Variants in MED13L observed in about 807,000 individuals in gnomAD.
MED13L encodes the protein mediator of RNA polymerase II transcription subunit 13-like.
MED13L carries 7 observed loss-of-function variants against 220.9 expected under a neutral mutation model. The ratio of observed to expected loss-of-function variants is 0.03; its 90% confidence interval spans 0.02 to 0.06. MED13L has a LOEUF of 0.06. Among genes scored for constraint, MED13L ranks in the 10% least tolerant of loss-of-function variants. The probability of loss-of-function intolerance (pLI) is 1.00; values close to 1 mark genes in which losing one functional copy is unlikely to be tolerated. For missense variants in MED13L, 1,965 were observed against 2,760.5 expected, an observed-to-expected ratio of 0.71 and a Z score of 6.46; for synonymous variants, 1,011 against 1,015.2, an observed-to-expected ratio of 1.00 and a Z score of 0.08.
At chr12:116,117,189 A>T (rs1358587879) in intron 2 of MED13L, among the ~76,000 whole-genome samples, 2 of 152,090 alleles carry the variant, frequency 1.3e-5, no homozygotes, top group Non-Finnish European at 2.9e-5. Context: ...AGCCATACTC[A>T]GACTATGTGC....
rs75290679 is a variant in MED13L, at chr12:116,108,889, A to C, written c.395+2539T>G. On this transcript the variant is annotated intron_variant, in intron 3 of 30. Transcript: ENST00000281928. ...AGGCATTATGTGGCACACATGATAT[A>C]TATCTATCATCTAGCAAAAGCTCAA... 1.4e-3 allele frequency among the ~76,000 whole-genome samples: 211 copies of C among 152,202 alleles called. 1 individual carries two copies. Among genetic ancestry groups the C allele is most frequent in the African/African-American group, 4.8e-3 (198 of 41,526 alleles).
At chr12:116,100,742 C>CA (rs1314434848) in intron 3 of MED13L, among the ~76,000 whole-genome samples, 1 of 151,776 alleles carries the variant, frequency 6.6e-6, no homozygotes. Flanking sequence ...CCTGTATCTA[C>CA]AAAAAATTAC....
chr12:116,059,653 G>C (rs910563070), intron 4 of MED13L, among the ~76,000 whole-genome samples: 1 of 152,004 alleles, frequency 6.6e-6, no homozygotes, highest in Non-Finnish European at 1.5e-5. Flanking sequence ...CCTGACCTCA[G>C]GTGATCCGCC....
chr12:116,088,949 A>C (rs1477655501), intron 4 of MED13L, among the ~76,000 whole-genome samples: 1 of 152,186 alleles, frequency 6.6e-6, no homozygotes, highest in African/African-American at 2.4e-5. Flanking sequence ...TTCAAGAGAA[A>C]ACACAACCAA....
intron 2 of MED13L, among the ~76,000 whole-genome samples, chr12:116,189,680 ATTGT>A (rs972049080): frequency 2.0e-5 from 3 of 152,188 alleles, no homozygotes; most frequent in African/African-American, 7.2e-5. Flanking sequence ...GTCAGGAGAC[ATTGT>A]TTGGACTATG....
rs1439048326 is a variant in MED13L at position 115,984,368 on chromosome 12, C to T, written c.4343G>A (p.Cys1448Tyr). 6.2e-7 allele frequency: 1 copy of T among 1,613,944 alleles called. No homozygotes were observed. Among genetic ancestry groups the T allele is most frequent in the African/African-American group, 1.3e-5 (1 of 74,924 alleles). ...FRDLSAVYEMCRLGQHKPICK... is the reference protein window; with the variant it reads ...FRDLSAVYEMYRLGQHKPICK... ...GATGGGCTTGTGCTGCCCAAGCCTA[C>T]ACATCTGATATCATAGACAAGATCA... The change falls in exon 20 of 31, where the codon TGT (cysteine) becomes TAT (tyrosine). Residue 1448 changes from cysteine (C) to tyrosine (Y), a missense_variant. This residue lies in a region of MED13L where 510 missense variants were observed against 620.4 expected (regional missense o/e 0.82). Coordinates refer to ENST00000281928, the MANE Select transcript of MED13L (RefSeq NM_015335.5).
chr12:116,130,473 A>G (rs1875971838), intron 2 of MED13L, among the ~76,000 whole-genome samples: 1 of 152,220 alleles, frequency 6.6e-6, no homozygotes, highest in African/African-American at 2.4e-5. Flanking sequence ...TGAAAAGGTA[A>G]CGGTATCATA....
intron 2 of MED13L, among the ~76,000 whole-genome samples, chr12:116,158,135 A>G (rs1878585492): frequency 1.3e-5 from 2 of 151,780 alleles, no homozygotes; most frequent in Non-Finnish European, 2.9e-5. Context: ...CGCAGGTCAG[A>G]GCAGAAATTC....
chr12:116,248,400 G>C (rs1052487908), intron 1 of MED13L, among the ~76,000 whole-genome samples: 4 of 152,034 alleles, frequency 2.6e-5, no homozygotes, highest in Admixed American at 2.0e-4. Flanking sequence ...TCATAGATAT[G>C]GGGGGTTAAG....
At chr12:116,259,708 T>C (rs1872355007) in intron 1 of MED13L, among the ~76,000 whole-genome samples, 1 of 152,072 alleles carries the variant, frequency 6.6e-6, no homozygotes, top group Non-Finnish European at 1.5e-5. Flanking sequence ...ATAAAACAAT[T>C]TTGACACATG....
chr12:116,237,026 G>C (rs17498893), intron 2 of MED13L: 42,656 of 266,374 alleles, frequency 0.16, 3,738 homozygotes, highest in Middle Eastern at 0.21. Context: ...TGTCCAATTA[G>C]GCTCAAAACT....
chr12:116,056,463 A>G (rs2137611472), intron 4 of MED13L, among the ~76,000 whole-genome samples: 1 of 152,184 alleles, frequency 6.6e-6, no homozygotes, highest in South Asian at 2.1e-4. Context: ...TCCTGGGCTC[A>G]AGCAATCTGT....
intron 23 of MED13L, among the ~76,000 whole-genome samples, chr12:115,977,021 G>A (rs893051624): frequency 6.6e-6 from 1 of 152,128 alleles, no homozygotes; most frequent in Non-Finnish European, 1.5e-5. Context: ...AAATTAGCCA[G>A]GCATGATGGT....
chr12:115,980,046 G>GA (rs1026917353), intron 23 of MED13L, among the ~76,000 whole-genome samples: 1 of 152,248 alleles, frequency 6.6e-6, no homozygotes, highest in Non-Finnish European at 1.5e-5. Flanking sequence ...CAAAACGAGG[G>GA]ACCCCTGCAG....
chr12:116,018,087 C>T (rs761628287), intron 7 of MED13L, among the ~76,000 whole-genome samples: 3 of 152,052 alleles, frequency 2.0e-5, no homozygotes, highest in Non-Finnish European at 4.4e-5. Context: ...ATTATTGCTA[C>T]CACTTGTATA....
intron 2 of MED13L, among the ~76,000 whole-genome samples, chr12:116,179,496 A>G (rs1441114241): frequency 2.0e-5 from 3 of 152,172 alleles, no homozygotes; most frequent in East Asian, 3.9e-4. Context: ...TGTAGTCTGT[A>G]GTCCCAGCTA....
intron 23 of MED13L, among the ~76,000 whole-genome samples, chr12:115,978,022 G>A (rs991884571): frequency 1.3e-5 from 2 of 151,970 alleles, no homozygotes; most frequent in African/African-American, 4.8e-5. Context: ...AAATTGGGGG[G>A]AAGACTGCTT....
At position 116,167,128 on chromosome 12, in the gene MED13L, T is replaced by C. The variant is rs570961779; in HGVS notation, c.311-55616A>G. On this transcript the variant is annotated intron_variant, in intron 2 of 30. Coordinates refer to ENST00000281928, the MANE Select transcript of MED13L (RefSeq NM_015335.5). ...AAGATTAAAGATGAGTTTGTAAAGA[T>C]AAAGAGATAGACAAATTGATTAAAA... Among the ~76,000 whole-genome samples, 5 of 152,102 alleles carry C rather than the reference T, an allele frequency of 3.3e-5. No homozygotes were observed. The South Asian group carries it at 1.0e-3, about 32-fold the overall frequency.
At chr12:116,088,857 C>T (rs1010765447) in intron 4 of MED13L, among the ~76,000 whole-genome samples, 2 of 151,474 alleles carry the variant, frequency 1.3e-5, no homozygotes, top group Non-Finnish European at 2.9e-5. Flanking sequence ...ATAACAGAAT[C>T]CAGTCTCCAC....
Sources: allele counts gnomAD v4.1 joint callset (sites outside exome capture counted in the v4.1 genomes callset), GRCh38; gene constraint gnomAD v4.1.1; regional missense constraint gnomAD v4.1.1; transcripts MANE v1.5; gene names NCBI Gene and HGNC (gene_info 2026-07-23, HGNC 2026-07-21).